The following GRM8 variants were observed in gnomAD, a reference collection of about 807,000 sequenced individuals.
The protein encoded by GRM8 is glutamate metabotropic receptor 8.
A neutral mutation model predicts 87.2 loss-of-function variants in GRM8; 47 were observed. The observed-to-expected ratio is 0.54, with a 90% confidence interval of 0.43 to 0.69. The LOEUF is 0.69. Ranked by LOEUF, GRM8 falls within the 30% of genes least tolerant of loss-of-function variation. GRM8 has a pLI of 0.00. For missense variants in GRM8, 1,019 were observed against 1,139.2 expected (o/e 0.89, Z 1.52); for synonymous variants, 396 against 404.5 (o/e 0.98, Z 0.25).
chr7:126,770,915 G>A (rs1003092541), intron 6 of GRM8, among the ~76,000 whole-genome samples: 1 of 151,992 alleles, frequency 6.6e-6, no homozygotes, highest in Non-Finnish European at 1.5e-5. Flanking sequence ...GTAGGTCTCA[G>A]ACTGCAAGCC....
chr7:127,225,476 T>C (rs968935173), intron 2 of GRM8, among the ~76,000 whole-genome samples: 1 of 128,892 alleles, frequency 7.8e-6, no homozygotes, highest in African/African-American at 3.3e-5. Context: ...GTGTGCAACC[T>C]ATCTGCTGGA....
intron 3 of GRM8, among the ~76,000 whole-genome samples, chr7:127,023,153 C>T (rs576666107): frequency 6.6e-6 from 1 of 151,992 alleles, no homozygotes; most frequent in East Asian, 1.9e-4. Flanking sequence ...TTCTTCATAA[C>T]GGGTTTTCTC....
intron 3 of GRM8, among the ~76,000 whole-genome samples, chr7:126,977,407 G>A (rs1055299583): frequency 2.6e-5 from 4 of 152,100 alleles, no homozygotes; most frequent in Admixed American, 1.3e-4. Context: ...TCAGTCCTAC[G>A]TGTCTGTTAG....
At chr7:126,493,175 T>A (rs1808250028) in intron 9 of GRM8, among the ~76,000 whole-genome samples, 1 of 152,044 alleles carries the variant, frequency 6.6e-6, no homozygotes, top group Non-Finnish European at 1.5e-5. Context: ...TAATCTTAAT[T>A]GATCTTAATC....
chr7:127,144,449 T>C (rs1172314541), intron 2 of GRM8, among the ~76,000 whole-genome samples: 1 of 152,070 alleles, frequency 6.6e-6, no homozygotes, highest in African/African-American at 2.4e-5. Flanking sequence ...CATTTTGCTT[T>C]TATACTGATC....
chr7:126,442,226 G>T (rs1436100410), intron 10 of GRM8, among the ~76,000 whole-genome samples: 1 of 151,908 alleles, frequency 6.6e-6, no homozygotes, highest in African/African-American at 2.4e-5. Flanking sequence ...AACCATACAT[G>T]AGACCTAATG....
At chr7:126,467,259 C>A (rs1804610858) in intron 9 of GRM8, among the ~76,000 whole-genome samples, 1 of 150,536 alleles carries the variant, frequency 6.6e-6, no homozygotes, top group Non-Finnish European at 1.5e-5. Flanking sequence ...GTTTTCTGTT[C>A]CTGTGTTAGT....
chr7:127,002,787 A>G (rs1253861304), intron 3 of GRM8, among the ~76,000 whole-genome samples: 1 of 151,744 alleles, frequency 6.6e-6, no homozygotes, highest in Non-Finnish European at 1.5e-5. Flanking sequence ...GATGGTGTAT[A>G]TATTCCTCTT....
chr7:126,530,060 T>C (rs76687734), intron 9 of GRM8, among the ~76,000 whole-genome samples: 1,600 of 152,334 alleles, frequency 0.011, 21 homozygotes, highest in African/African-American at 0.037. Flanking sequence ...GGAAGTTAAA[T>C]GATATATCAT....
chr7:126,831,596 C>T (rs754832119), intron 6 of GRM8, among the ~76,000 whole-genome samples: 1 of 152,158 alleles, frequency 6.6e-6, no homozygotes, highest in Non-Finnish European at 1.5e-5. Context: ...TTCCAGGTGC[C>T]GTCTGTCACC....
At chr7:127,205,452 T>C (rs772741771) in intron 2 of GRM8, among the ~76,000 whole-genome samples, 6 of 152,202 alleles carry the variant, frequency 3.9e-5, no homozygotes, top group African/African-American at 4.8e-5. Context: ...TCCTGTAATA[T>C]GCACAAAACC....
At chr7:126,693,319 C>T (rs552854746) in intron 7 of GRM8, among the ~76,000 whole-genome samples, 2 of 152,126 alleles carry the variant, frequency 1.3e-5, no homozygotes, top group East Asian at 1.9e-4. Context: ...ATAATAAATG[C>T]TCCTTATGAA....
At chr7:126,804,747 G>A (rs942210446) in intron 6 of GRM8, among the ~76,000 whole-genome samples, 2 of 152,146 alleles carry the variant, frequency 1.3e-5, no homozygotes, top group Admixed American at 6.5e-5. Context: ...GTGGTAGTTG[G>A]TATGCCTCTG....
rs58730624 is a variant in GRM8 at position 127,216,517 on chromosome 7, C to CAAAAAAA, written c.510+26171_510+26177dup. On this transcript the variant is annotated intron_variant, in intron 2 of 10. Transcript: ENST00000339582. ...TGGGCGACAGAGCGAGACTCCGTCT[C>CAAAAAAA]AAAAAAAAAAAAAAAAACAAAAAAA... 9.1e-3 allele frequency among the ~76,000 whole-genome samples: 573 copies of CAAAAAAA among 62,782 alleles called. 21 individuals carry two copies. The highest frequency in any genetic ancestry group is 0.015 in the Non-Finnish European group (425 of 29,060). The allele number at this position is 62,782 out of a possible 152,430, so 41.2% of individuals were successfully genotyped here.
In GRM8 at chr7:126,935,813, T is replaced by G. The variant is rs112242619; in HGVS notation, c.728-31130A>C. On this transcript the variant is annotated intron_variant, in intron 3 of 10. Coordinates refer to ENST00000339582, the MANE Select transcript of GRM8 (RefSeq NM_000845.3). The stretch of plus-strand genomic sequence containing the variant: ...AACCACATTTTCCAACCCTACTCAC[T>G]TTCCCAGGCTTGATGCCACCTCTGT... Among the ~76,000 whole-genome samples, 1,197 of 151,848 alleles carry G rather than the reference T, an allele frequency of 7.9e-3. 8 individuals carry two copies. The highest frequency in any genetic ancestry group is 0.027 in the African/African-American group (1,108 of 41,110).
intron 7 of GRM8, among the ~76,000 whole-genome samples, chr7:126,640,499 T>C (rs1585325275): frequency 1.3e-5 from 2 of 152,306 alleles, no homozygotes; most frequent in African/African-American, 4.8e-5. Flanking sequence ...TGTATAAAAC[T>C]ATGCATTTAT....
rs997588321 is a variant in GRM8 at position 127,241,536 on chromosome 7, C to G, written c.510+1159G>C. 2.0e-5 allele frequency among the ~76,000 whole-genome samples: 3 copies of G among 151,298 alleles called. No homozygotes were observed. In the East Asian group the frequency reaches 5.9e-4, roughly 30 times the overall value. ...GCAACCTCCACCTCCCAGGTTCAAGCGATTCTCCTCCCTCAGCCTCCCAAG... is the reference window on the plus strand; with the variant it reads ...GCAACCTCCACCTCCCAGGTTCAAGGGATTCTCCTCCCTCAGCCTCCCAAG... On this transcript the variant is annotated intron_variant, in intron 2 of 10. Coordinates refer to ENST00000339582, the MANE Select transcript of GRM8 (RefSeq NM_000845.3).
At chr7:126,788,420 A>AAAAACAAAAAACAAAAAACAAAAAAC in intron 6 of GRM8, among the ~76,000 whole-genome samples, 1 of 81,138 alleles carries the variant, frequency 1.2e-5, no homozygotes, top group Non-Finnish European at 2.3e-5. Context: ...AAAAAAAAAA[A>AAAAACAAAAAACAAAAAACAAAAAAC]AAACCCTTTC....
In GRM8 at chr7:126,873,916, T is replaced by C. The variant is rs558207778; in HGVS notation, c.1156+28626A>G. ...TGTTTTTTAAATTTTATATTCTAAG[T>C]CAATATTTTGTAAATATTTTAGAAT... On this transcript the variant is annotated intron_variant, in intron 6 of 10. Coordinates refer to ENST00000339582, the MANE Select transcript of GRM8 (RefSeq NM_000845.3). 3.9e-5 allele frequency among the ~76,000 whole-genome samples: 6 copies of C among 152,276 alleles called. No homozygotes were observed. The South Asian group carries it at 1.2e-3, about 32-fold the overall frequency.
Sources: gnomAD v4.1 joint callset for allele counts (sites outside exome capture counted in the v4.1 genomes callset) on GRCh38, gnomAD v4.1.1 for gene constraint, MANE v1.5 for transcripts, NCBI Gene and HGNC (gene_info 2026-07-23, HGNC 2026-07-21) for gene names.